The following NAV2 variants were observed in gnomAD, a reference collection of about 807,000 sequenced individuals.
NAV2 encodes the protein neuron navigator 2.
A neutral mutation model predicts 223.2 loss-of-function variants in NAV2; 54 were observed. The observed-to-expected ratio is 0.24, with a 90% CI of 0.19 to 0.30. The LOEUF is 0.30. Among genes scored for constraint, NAV2 ranks in the 10% least tolerant of loss-of-function variants. NAV2 has a pLI of 1.00. For missense variants in NAV2, 2,806 were observed against 3,147.5 expected (o/e 0.89, Z 2.60); for synonymous variants, 1,279 against 1,239.3 (o/e 1.03, Z -0.67).
chr11:20,038,896 C>T (rs761524685), intron 12 of NAV2, among the ~76,000 whole-genome samples: 21 of 152,136 alleles, frequency 1.4e-4, no homozygotes, highest in Non-Finnish European at 2.8e-4. Flanking sequence ...GAAACAGCCT[C>T]GTATAGCTGA....
chr11:19,396,388 G>A (rs532088731), intron 1 of NAV2, among the ~76,000 whole-genome samples: 2 of 152,152 alleles, frequency 1.3e-5, no homozygotes, highest in Non-Finnish European at 2.9e-5. Flanking sequence ...GTCTGCCTTA[G>A]GTTGGCGTTT....
At chr11:19,928,623 C>T (rs1281970943) in intron 6 of NAV2, among the ~76,000 whole-genome samples, 2 of 152,214 alleles carry the variant, frequency 1.3e-5, no homozygotes, top group African/African-American at 2.4e-5. Context: ...TCTGAATTCA[C>T]AAGCAGCTCA....
At chr11:19,928,243 T>C (rs2044971661) in intron 6 of NAV2, among the ~76,000 whole-genome samples, 1 of 152,234 alleles carries the variant, frequency 6.6e-6, no homozygotes, top group South Asian at 2.1e-4. Context: ...CTAGCTCAAA[T>C]TTTAAATCTA....
intron 1 of NAV2, among the ~76,000 whole-genome samples, chr11:19,417,226 T>C (rs1339361086): frequency 2.0e-5 from 3 of 152,064 alleles, no homozygotes; most frequent in Non-Finnish European, 4.4e-5. Context: ...CCAGAATCTA[T>C]AAGGAACTTC....
intron 1 of NAV2, among the ~76,000 whole-genome samples, chr11:19,533,427 A>G (rs1189733062): frequency 6.6e-6 from 1 of 152,094 alleles, no homozygotes; most frequent in African/African-American, 2.4e-5. Context: ...GCTGACAAAC[A>G]TTGGTGTAAA....
chr11:19,450,800 T>G (rs1851764666), intron 1 of NAV2, among the ~76,000 whole-genome samples: 1 of 152,166 alleles, frequency 6.6e-6, no homozygotes, highest in Non-Finnish European at 1.5e-5. Context: ...CCAAATGGCA[T>G]GGATTTTCTT....
chr11:19,587,056 C>T (rs1158105893), intron 1 of NAV2, among the ~76,000 whole-genome samples: 1 of 152,224 alleles, frequency 6.6e-6, no homozygotes, highest in Non-Finnish European at 1.5e-5. Context: ...GCTTTGTTTA[C>T]CTACTCAAGC....
chr11:19,578,636 A>G (rs1736458090), intron 1 of NAV2, among the ~76,000 whole-genome samples: 2 of 152,354 alleles, frequency 1.3e-5, no homozygotes, highest in Middle Eastern at 3.4e-3. Context: ...TCCCATTTGT[A>G]GTACTTACAA....
At chr11:19,578,197 C>T (rs1476471540) in intron 1 of NAV2, among the ~76,000 whole-genome samples, 5 of 152,198 alleles carry the variant, frequency 3.3e-5, no homozygotes, top group South Asian at 2.1e-4. Context: ...CTGCCTCCTC[C>T]GGCTCTGCCT....
intron 1 of NAV2, among the ~76,000 whole-genome samples, chr11:19,542,681 C>T (rs1436448541): frequency 6.6e-6 from 1 of 152,234 alleles, no homozygotes; most frequent in East Asian, 1.9e-4. Context: ...AGCTGTTACT[C>T]TAATCCAGGT....
chr11:19,884,374 T>G, intron 5 of NAV2: 8 of 1,610,402 alleles, frequency 5.0e-6, no homozygotes, highest in Non-Finnish European at 6.8e-6. Flanking sequence ...TTAGACTTTC[T>G]CTGTGTCCTG....
At chr11:20,102,564 T>G (rs2061715113) in intron 32 of NAV2, among the ~76,000 whole-genome samples, 1 of 152,192 alleles carries the variant, frequency 6.6e-6, no homozygotes, top group Non-Finnish European at 1.5e-5. Flanking sequence ...GTAAGGCCCT[T>G]AAAGCCCTGC....
At chr11:20,103,118 A>C (rs1457351477) in intron 32 of NAV2, 137 bp from the exon 33 acceptor site, 4 of 773,630 alleles carry the variant, frequency 5.2e-6, no homozygotes, top group Non-Finnish European at 8.2e-6. Context: ...GCAGGCACCC[A>C]GAATGTGTTT....
chr11:20,031,691 A>C (rs987294300), intron 11 of NAV2, among the ~76,000 whole-genome samples: 1 of 151,916 alleles, frequency 6.6e-6, no homozygotes, highest in Non-Finnish European at 1.5e-5. Context: ...TCAAGTAGCC[A>C]CTGGCAGCTC....
intron 1 of NAV2, among the ~76,000 whole-genome samples, chr11:19,612,172 G>T (rs1413015844): frequency 2.0e-5 from 3 of 152,206 alleles, no homozygotes; most frequent in East Asian, 1.9e-4. Flanking sequence ...GGAACACAGG[G>T]TGCCAAGTCC....
intron 1 of NAV2, among the ~76,000 whole-genome samples, chr11:19,391,041 G>A (rs1237399537): frequency 6.6e-6 from 1 of 152,108 alleles, no homozygotes; most frequent in Non-Finnish European, 1.5e-5. Context: ...TAAATAATTT[G>A]CCCATAGGTA....
At chr11:19,447,693 C>G (rs1173267228) in intron 1 of NAV2, among the ~76,000 whole-genome samples, 1 of 152,208 alleles carries the variant, frequency 6.6e-6, no homozygotes, top group Non-Finnish European at 1.5e-5. Flanking sequence ...TGGGCAGAGA[C>G]CGTATCTCTT....
intron 12 of NAV2, chr11:20,043,747 G>A (rs1282073876): frequency 8.4e-6 from 4 of 474,088 alleles, no homozygotes; most frequent in African/African-American, 3.9e-5. Flanking sequence ...CAGCCATCTC[G>A]TTCCATTCCA....
In NAV2 at chr11:20,049,164, A is replaced by T; in HGVS notation, c.4339A>T (p.Thr1447Ser). 1 of 1,609,244 alleles carries T rather than the reference A, an allele frequency of 6.2e-7. No individual in the cohort carries two copies. The highest frequency in any genetic ancestry group is 8.5e-7 in the Non-Finnish European group (1 of 1,177,614). ...CGACTCCTTGACTCCCTTTGTCAGA[A>T]CTAACAGTGTGAAGACCACACTGTC... is the stretch of plus-strand genomic sequence containing the variant. ...KDDSLTPFVR[T>S]NSVKTTLSES... The change falls in exon 15 of 38, where the codon ACT (threonine) becomes TCT (serine). Residue 1447 changes from threonine to serine, a missense_variant. Physicochemically the swap from Thr to Ser is moderately conservative, Grantham distance 58 (BLOSUM62 1). Around this residue, in one of 4 missense-constraint regions of NAV2, gnomAD observed 742 missense variants for 777.9 expected, o/e 0.95. Coordinates refer to ENST00000349880, the MANE Select transcript of NAV2 (RefSeq NM_145117.5).
Sources: gnomAD v4.1 joint callset for allele counts (sites outside exome capture counted in the v4.1 genomes callset) on GRCh38, gnomAD v4.1.1 for gene constraint, gnomAD v4.1.1 regional missense constraint, MANE v1.5 for transcripts, NCBI Gene and HGNC (gene_info 2026-07-23, HGNC 2026-07-21) for gene names.